ANXA11: variants seen among roughly 807,000 people sequenced by gnomAD.
ANXA11 encodes the protein 56 kDa autoantigen.
In ANXA11, 57 loss-of-function variants were observed where a neutral mutation model predicts 64.7. The observed-to-expected ratio is 0.88, with a 90% CI of 0.71 to 1.10. The LOEUF is 1.10. Among genes scored for constraint, ANXA11 ranks in the 50% least tolerant of loss-of-function variants. The pLI, the probability that ANXA11 is intolerant of heterozygous loss-of-function variation, is 0.00. For missense variants in ANXA11, 675 were observed against 670.7 expected, an observed-to-expected ratio of 1.01 and a Z score of -0.07; for synonymous variants, 260 against 265.2, an observed-to-expected ratio of 0.98 and a Z score of 0.19.
At chr10:80,170,316 G>A (rs72807975) in intron 4 of ANXA11, among the ~76,000 whole-genome samples, 21,646 of 152,066 alleles carry the variant, frequency 0.14, 1,913 homozygotes, top group South Asian at 0.24. Context: ...CTAAGCATAC[G>A]TTTGTTTTCA....
intron 1 of ANXA11, among the ~76,000 whole-genome samples, chr10:80,177,002 C>T (rs1475250789): frequency 7.3e-6 from 1 of 136,370 alleles, no homozygotes; most frequent in African/African-American, 2.8e-5. Flanking sequence ...TTTTTTGAGA[C>T]GGAGTCTCAC....
At chr10:80,171,070 G>A in intron 3 of ANXA11, 155 bp from the exon 4 acceptor site, 1 of 1,521,384 alleles carries the variant, frequency 6.6e-7, no homozygotes, top group Non-Finnish European at 8.8e-7. Flanking sequence ...AACACCAGGA[G>A]GAAAGTCTCC....
intron 1 of ANXA11, among the ~76,000 whole-genome samples, chr10:80,197,496 C>T (rs1244557467): frequency 6.6e-6 from 1 of 152,136 alleles, no homozygotes; most frequent in Non-Finnish European, 1.5e-5. Context: ...ATATTACCAG[C>T]CACGGAGACC....
chr10:80,164,692 G>T (rs1845656503), intron 8 of ANXA11, among the ~76,000 whole-genome samples: 1 of 152,208 alleles, frequency 6.6e-6, no homozygotes, highest in African/African-American at 2.4e-5. Context: ...TTGTATGTTG[G>T]TTTGAATCCT....
intron 2 of ANXA11, 111 bp downstream of exon 2, chr10:80,175,996 G>A (rs1458061625): frequency 2.0e-5 from 3 of 152,244 alleles, no homozygotes; most frequent in African/African-American, 7.2e-5. Context: ...GGAAGTTGCA[G>A]TGAGCCAAGA....
chr10:80,176,442 A>G (rs1191950493), intron 1 of ANXA11, among the ~76,000 whole-genome samples: 1 of 152,238 alleles, frequency 6.6e-6, no homozygotes, highest in Non-Finnish European at 1.5e-5. Flanking sequence ...AATGACACAC[A>G]AGAAACTAGC....
In ANXA11 at chr10:80,171,612, C is replaced by T. The variant is rs1426262399; in HGVS notation, c.56-697G>A. On this transcript the variant is annotated intron_variant, in intron 3 of 15. Coordinates refer to ENST00000422982, the MANE Select transcript of ANXA11 (RefSeq NM_145868.2). ...TGCTGTGACGAAGACTGAGTTAACA[C>T]CTGCAGGGCTCAGCTGGGTGCCCGA... 6 of 985,046 alleles carry T rather than the reference C, an allele frequency of 6.1e-6. No homozygotes were observed. In the African/African-American group the frequency reaches 1.0e-4, roughly 17 times the overall value. 61.0% of individuals were successfully genotyped at this position (985,046 alleles called of 1,614,324 possible).
rs1845198801 is a variant in ANXA11 at position 80,153,796 on chromosome 10, C to CA, written c.*2056dup. On this transcript the variant is annotated 3_prime_UTR_variant, in exon 16 of 16. Transcript: ENST00000422982. ...GCTAGTTCTCAGCTCATGGCTGCTC[C>CA]ACACCCTTCGGATGTCATTCTTCCT... The CA allele has an allele frequency of 6.6e-6, 1 of 152,274 alleles. No homozygotes were observed. Among genetic ancestry groups the CA allele is most frequent in the Admixed American group, 6.5e-5 (1 of 15,290 alleles). 9.4% of individuals were successfully genotyped at this position (152,274 alleles called of 1,614,324 possible).
Position 80,169,104 on chromosome 10 carries a change from C to T in ANXA11, c.426G>A (p.Gly142=). Residue 142 remains glycine (G), a synonymous_variant, in exon 5 of 16, where the codon GGG becomes GGA. Coordinates refer to ENST00000422982, the MANE Select transcript of ANXA11 (RefSeq NM_145868.2). ...PMPPPGQQPP[G]AYPGQPPVTY... Reference sequence around the variant, plus strand: ...TCACTGGTGGCTGCCCAGGGTAGGCCCCTGGGGGCTGCTGTCCGGGGGGTG... The same window carrying T: ...TCACTGGTGGCTGCCCAGGGTAGGCTCCTGGGGGCTGCTGTCCGGGGGGTG... 2 of 1,538,036 alleles carry T rather than the reference C, an allele frequency of 1.3e-6. No individual in the cohort carries two copies. Among genetic ancestry groups the T allele is most frequent in the South Asian group, 1.3e-5 (1 of 76,948 alleles).
At position 80,171,092 on chromosome 10, in the gene ANXA11, T is replaced by C. The variant is rs867956096; in HGVS notation, c.56-177A>G. ...GGAGGAAAGTCTCCCCCTATCCCAC[T>C]GGCAGAGGAGGGGAAACCTTCCCCT... On this transcript the variant is annotated intron_variant, in intron 3 of 15. Coordinates refer to ENST00000422982, the MANE Select transcript of ANXA11 (RefSeq NM_145868.2). 1.3e-5 allele frequency: 20 copies of C among 1,510,528 alleles called. No homozygotes were observed. The African/African-American group carries it at 2.6e-4, about 20-fold the overall frequency. 93.6% of individuals were successfully genotyped at this position (1,510,528 alleles called of 1,614,324 possible). A position where few individuals can be genotyped will look rare whatever the true frequency, so the allele number is the denominator to read the frequency against.
Position 80,155,855 on chromosome 10 carries a change from A to C in ANXA11, c.1516T>G (p.Ter506GlyextTer41), listed in dbSNP as rs1466594316. The part of the protein sequence containing the change: ...ILLKICGGND[*>G] ...AGAAGTGAGCCACCAGTCACTGTTC[A>C]GTCATTGCCACCACAGATCTTCAGC... Residue 506 changes from the stop codon to glycine, a stop_lost, in exon 16 of 16, where the codon TGA (stop) becomes GGA (glycine). Coordinates refer to ENST00000422982, the MANE Select transcript of ANXA11 (RefSeq NM_145868.2). The C allele has an allele frequency of 1.2e-6, 2 of 1,614,090 alleles. No homozygotes were observed. The highest frequency in any genetic ancestry group is 3.3e-5 in the Admixed American group (2 of 60,016).
At chr10:80,160,387 C>T (rs11201923) in intron 12 of ANXA11, among the ~76,000 whole-genome samples, 2 of 152,266 alleles carry the variant, frequency 1.3e-5, no homozygotes, top group South Asian at 2.1e-4. Flanking sequence ...AGCTGTGCAC[C>T]CCTACTTCCT....
chr10:80,190,839 C>A, intron 1 of ANXA11, among the ~76,000 whole-genome samples: 1 of 150,886 alleles, frequency 6.6e-6, no homozygotes, highest in Non-Finnish European at 1.5e-5. Context: ...GCCTGTAACC[C>A]CAGCACTTTG....
At chr10:80,173,322 C>CA (rs1411873856) in intron 2 of ANXA11, among the ~76,000 whole-genome samples, 1 of 152,238 alleles carries the variant, frequency 6.6e-6, no homozygotes, top group African/African-American at 2.4e-5. Context: ...CAGGGGAAGT[C>CA]AGAGGCCCCT....
At chr10:80,195,243 G>A (rs141060583) in intron 1 of ANXA11, among the ~76,000 whole-genome samples, 9 of 152,304 alleles carry the variant, frequency 5.9e-5, no homozygotes, top group East Asian at 1.9e-4. Flanking sequence ...CTACCTAGAA[G>A]CCTCAGGAAA....
chr10:80,172,944 A>G, intron 2 of ANXA11, 75 bp from the exon 3 acceptor site: 1 of 1,329,696 alleles, frequency 7.5e-7, no homozygotes. Flanking sequence ...AGCTTCTTGA[A>G]AGGGCAGCCA....
In ANXA11 at chr10:80,158,262, G is replaced by A. The variant is rs184560325; in HGVS notation, c.1277-237C>T. Among the ~76,000 whole-genome samples the A allele has an allele frequency of 3.5e-4, 53 of 152,288 alleles. No individual in the cohort carries two copies. In the East Asian group the frequency reaches 9.9e-3, roughly 28 times the overall value. ...CACCCTCTTTCCTGGCAACCACTGC[G>A]GTGAAAGGACCAAGAGTCAGAGGGG... is the stretch of plus-strand genomic sequence containing the variant. On this transcript the variant is annotated intron_variant, in intron 13 of 15. Coordinates refer to ENST00000422982, the MANE Select transcript of ANXA11 (RefSeq NM_145868.2).
chr10:80,155,781 A>G lies in ANXA11; in HGVS notation c.*72T>C, dbSNP rs1018518861. ...GGCTATTTGTGGATTTGTTAGAAAC[A>G]GACATTCTTTTGGCCTTTTCCTGGC... is the stretch of plus-strand genomic sequence containing the variant. On this transcript the variant is annotated 3_prime_UTR_variant, in exon 16 of 16. Transcript: ENST00000422982. 1 of 1,410,762 alleles carries G rather than the reference A, an allele frequency of 7.1e-7. No individual in the cohort carries two copies. Among genetic ancestry groups the G allele is most frequent in the Admixed American group, 1.7e-5 (1 of 59,616 alleles). 87.4% of individuals were successfully genotyped at this position (1,410,762 alleles called of 1,614,324 possible). A position where few individuals can be genotyped will look rare whatever the true frequency, so the allele number is the denominator to read the frequency against.
chr10:80,190,228 C>A (rs1407805474), intron 1 of ANXA11, among the ~76,000 whole-genome samples: 3 of 152,330 alleles, frequency 2.0e-5, no homozygotes, highest in African/African-American at 7.2e-5. Flanking sequence ...TTTAACACCA[C>A]TGAACTGCAC....
Sources: allele counts gnomAD v4.1 joint callset (sites outside exome capture counted in the v4.1 genomes callset), GRCh38; gene constraint gnomAD v4.1.1; transcripts MANE v1.5; gene names NCBI Gene and HGNC (gene_info 2026-07-23, HGNC 2026-07-21).